Variants in PDE4D observed in about 807,000 individuals in gnomAD.
PDE4D encodes the protein phosphodiesterase 4D, also known as 3',5'-cyclic-AMP phosphodiesterase 4D.
Under a neutral mutation model 87.4 loss-of-function variants are expected in PDE4D, and 24 were observed. The ratio of observed to expected loss-of-function variants is 0.27; its 90% CI spans 0.20 to 0.39. The LOEUF (loss-of-function observed/expected upper bound fraction) is 0.39. Ranked by LOEUF, PDE4D falls within the 10% of genes least tolerant of loss-of-function variation. The pLI is 1.00. For missense variants in PDE4D, 714 were observed against 1,041.0 expected (o/e 0.69, Z 4.32); for synonymous variants, 384 against 383.2 (o/e 1.00, Z -0.02).
At chr5:59,514,220 C>T (rs142031652) in intron 1 of PDE4D, among the ~76,000 whole-genome samples, 2,316 of 151,996 alleles carry the variant, frequency 0.015, 70 homozygotes, top group East Asian at 0.12. Flanking sequence ...ATTCTCCTGC[C>T]TCAGCCTCCC....
chr5:60,268,943 G>A (rs970938183), intron 1 of PDE4D, among the ~76,000 whole-genome samples: 1 of 152,104 alleles, frequency 6.6e-6, no homozygotes, highest in Admixed American at 6.5e-5. Context: ...GAAAAGTGTA[G>A]GCAAAAAGAA....
intron 1 of PDE4D, among the ~76,000 whole-genome samples, chr5:59,549,404 A>G (rs1489644854): frequency 6.6e-6 from 1 of 152,192 alleles, no homozygotes; most frequent in Admixed American, 6.6e-5. Context: ...ATAAGAGTAG[A>G]GTGACATTCG....
At chr5:59,777,837 G>T (rs969887592) in intron 1 of PDE4D, among the ~76,000 whole-genome samples, 2 of 151,592 alleles carry the variant, frequency 1.3e-5, no homozygotes, top group East Asian at 1.9e-4. Context: ...TTTCAAAAGC[G>T]CATATACACT....
At chr5:60,340,285 T>TG (rs1758193829) in intron 1 of PDE4D, among the ~76,000 whole-genome samples, 3 of 152,036 alleles carry the variant, frequency 2.0e-5, no homozygotes, top group Non-Finnish European at 4.4e-5. Context: ...TCCTATTTTT[T>TG]TTTTTTTATC....
intron 1 of PDE4D, among the ~76,000 whole-genome samples, chr5:59,432,834 T>C (rs1405978294): frequency 6.6e-6 from 1 of 152,130 alleles, no homozygotes; most frequent in Non-Finnish European, 1.5e-5. Flanking sequence ...GAACACTCAA[T>C]GCAAAGTTAG....
At chr5:60,472,395 A>C (rs901463740) in intron 1 of PDE4D, among the ~76,000 whole-genome samples, 12 of 152,176 alleles carry the variant, frequency 7.9e-5, no homozygotes, top group African/African-American at 2.7e-4. Flanking sequence ...CACTGCCATA[A>C]GCTGCCTCCA....
intron 1 of PDE4D, among the ~76,000 whole-genome samples, chr5:60,343,617 G>A (rs1004650052): frequency 1.3e-5 from 2 of 152,070 alleles, no homozygotes; most frequent in Admixed American, 6.6e-5. Context: ...GAGAGGCAAT[G>A]CAGAGTCCCT....
chr5:60,502,014 C>T (rs933663809), intron 1 of PDE4D, among the ~76,000 whole-genome samples: 3 of 152,020 alleles, frequency 2.0e-5, no homozygotes, highest in Admixed American at 2.0e-4. Flanking sequence ...TAATTAGATC[C>T]CATTTGTCAA....
intron 1 of PDE4D, among the ~76,000 whole-genome samples, chr5:59,392,747 C>T (rs941330796): frequency 6.6e-5 from 10 of 152,098 alleles, no homozygotes; most frequent in Non-Finnish European, 1.3e-4. Context: ...CTGCCTTCTC[C>T]ATTTGAATAG....
chr5:59,153,694 A>T (rs1373757781), intron 5 of PDE4D, among the ~76,000 whole-genome samples: 1 of 151,920 alleles, frequency 6.6e-6, no homozygotes, highest in Non-Finnish European at 1.5e-5. Context: ...GTGCCCCAGA[A>T]CCACACACTA....
intron 1 of PDE4D, among the ~76,000 whole-genome samples, chr5:59,854,794 A>C (rs1171586859): frequency 6.6e-6 from 1 of 152,124 alleles, no homozygotes; most frequent in East Asian, 1.9e-4. Context: ...GTGAGTTATT[A>C]ACATTTATTC....
intron 1 of PDE4D, among the ~76,000 whole-genome samples, chr5:59,549,441 C>T (rs1200926713): frequency 6.6e-6 from 1 of 152,108 alleles, no homozygotes; most frequent in African/African-American, 2.4e-5. Flanking sequence ...CCATTTTCCA[C>T]CAATTTTTAG....
intron 1 of PDE4D, among the ~76,000 whole-genome samples, chr5:59,875,754 G>A (rs536449231): frequency 6.6e-6 from 1 of 152,116 alleles, no homozygotes; most frequent in Non-Finnish European, 1.5e-5. Context: ...GAACTTTGGA[G>A]TCATAAAAAT....
intron 5 of PDE4D, among the ~76,000 whole-genome samples, chr5:59,049,626 G>T (rs1278785568): frequency 6.6e-6 from 1 of 152,178 alleles, no homozygotes; most frequent in Non-Finnish European, 1.5e-5. Flanking sequence ...GGGAGAAACA[G>T]ATGAATGCAC....
chr5:59,747,170 C>A (rs1362920809), intron 1 of PDE4D, among the ~76,000 whole-genome samples: 1 of 152,148 alleles, frequency 6.6e-6, no homozygotes, highest in African/African-American at 2.4e-5. Flanking sequence ...TGTTAAGCGT[C>A]TCTCCCTACC....
At chr5:59,060,860 G>A (rs1763017015) in intron 5 of PDE4D, among the ~76,000 whole-genome samples, 1 of 152,082 alleles carries the variant, frequency 6.6e-6, no homozygotes, top group Non-Finnish European at 1.5e-5. Context: ...TTAGGCTTCA[G>A]ATATTTGTCT....
chr5:58,976,800 C>T (rs2153307186), intron 12 of PDE4D, among the ~76,000 whole-genome samples: 1 of 152,246 alleles, frequency 6.6e-6, no homozygotes, highest in East Asian at 1.9e-4. Context: ...CTCATAATCA[C>T]TGAATAAGAT....
chr5:60,312,934 A>T (rs1363382444), intron 1 of PDE4D, among the ~76,000 whole-genome samples: 1 of 152,220 alleles, frequency 6.6e-6, no homozygotes, highest in African/African-American at 2.4e-5. Flanking sequence ...AAGCAGTGTT[A>T]AGAGGAAAGT....
chr5:59,250,967 C>T (rs1722085436), intron 1 of PDE4D, among the ~76,000 whole-genome samples: 1 of 152,150 alleles, frequency 6.6e-6, no homozygotes, highest in African/African-American at 2.4e-5. Context: ...GGATAACTGG[C>T]TACCCATATG....
Sources: allele counts gnomAD v4.1 joint callset (sites outside exome capture counted in the v4.1 genomes callset), GRCh38; gene constraint gnomAD v4.1.1; transcripts MANE v1.5; gene names NCBI Gene and HGNC (gene_info 2026-07-23, HGNC 2026-07-21).